Variants in RUNX2 observed in about 807,000 individuals in gnomAD.
RUNX2 encodes RUNX family transcription factor 2.
RUNX2 carries 10 observed loss-of-function variants against 51.7 expected under a neutral mutation model. The observed-to-expected ratio is 0.19, with a 90% CI of 0.12 to 0.33. The LOEUF (loss-of-function observed/expected upper bound fraction) is 0.33. Ranked by LOEUF, RUNX2 falls within the 10% of genes least tolerant of loss-of-function variation. The pLI, the probability that RUNX2 is intolerant of heterozygous loss-of-function variation, is 1.00. For synonymous variants in RUNX2, 276 were observed against 273.6 expected, an observed-to-expected ratio of 1.01 and a Z score of -0.09; for missense variants, 562 against 691.3, an observed-to-expected ratio of 0.81 and a Z score of 2.10.
chr6:45,409,854 C>T (rs928092146), intron 2 of RUNX2, among the ~76,000 whole-genome samples: 1 of 152,124 alleles, frequency 6.6e-6, no homozygotes, highest in Non-Finnish European at 1.5e-5. Context: ...AAGACTAATC[C>T]CTGTTCTCAA....
At chr6:45,445,347 T>G (rs932863130) in intron 5 of RUNX2, among the ~76,000 whole-genome samples, 3 of 152,128 alleles carry the variant, frequency 2.0e-5, no homozygotes, top group Non-Finnish European at 2.9e-5. Context: ...ATTTAGAGAT[T>G]GGTCACATGT....
chr6:45,488,035 A>G (rs1423977538), intron 5 of RUNX2, among the ~76,000 whole-genome samples: 3 of 152,058 alleles, frequency 2.0e-5, no homozygotes, highest in Non-Finnish European at 4.4e-5. Context: ...ATCAGGGGAG[A>G]GCACTTCAGG....
chr6:45,424,587 G>C (rs1241412914), intron 3 of RUNX2, among the ~76,000 whole-genome samples: 1 of 152,068 alleles, frequency 6.6e-6, no homozygotes, highest in East Asian at 1.9e-4. Flanking sequence ...TCTCCGCTGG[G>C]GACCCTGGGG....
chr6:45,546,661 G>C (rs898051477), intron 8 of RUNX2, among the ~76,000 whole-genome samples, 166 bp from the exon 9 acceptor site: 1 of 152,104 alleles, frequency 6.6e-6, no homozygotes, highest in African/African-American at 2.4e-5. Context: ...TGCAAAGTGG[G>C]GGAAAAAGAC....
chr6:45,431,279 C>T (rs145882491), intron 3 of RUNX2, among the ~76,000 whole-genome samples: 3 of 152,164 alleles, frequency 2.0e-5, no homozygotes, highest in Admixed American at 6.5e-5. Flanking sequence ...TGGGTCCCAC[C>T]GCAGTGTGGT....
At chr6:45,455,179 AGCTCGT>A (rs1799286543) in intron 5 of RUNX2, among the ~76,000 whole-genome samples, 1 of 152,374 alleles carries the variant, frequency 6.6e-6, no homozygotes, top group African/African-American at 2.4e-5. Context: ...GCTGTTGGAA[AGCTCGT>A]GGTTTAGAAA....
intron 2 of RUNX2, among the ~76,000 whole-genome samples, chr6:45,415,777 T>C (rs967575327): frequency 6.6e-6 from 1 of 151,914 alleles, no homozygotes; most frequent in Non-Finnish European, 1.5e-5. Flanking sequence ...GATTGCCAAC[T>C]GATAAAGAGA....
rs1798883555 is a variant in RUNX2, at chr6:45,442,982, A to G, written c.685+4931A>G. Among the ~76,000 whole-genome samples the G allele has an allele frequency of 2.0e-5, 3 of 147,246 alleles. No individual in the cohort carries two copies. In the South Asian group the frequency reaches 6.5e-4, roughly 32 times the overall value. On this transcript the variant is annotated intron_variant, in intron 5 of 8. Transcript: ENST00000647337. ...TTTCCCGCTGAGTCTGACTTCTCAC[A>G]TGGCGGCAGCTCAGGGCTCCCTAAG...
intron 2 of RUNX2, among the ~76,000 whole-genome samples, chr6:45,394,006 C>G (rs200126538): frequency 6.6e-6 from 1 of 150,784 alleles, no homozygotes; most frequent in East Asian, 2.0e-4. Flanking sequence ...TCCCGGGTCC[C>G]GGTTCAAGCA....
At position 45,328,447 on chromosome 6, in the gene RUNX2, G is replaced by T. The variant is rs770369522; in HGVS notation, c.-80G>T. 3 of 1,464,222 alleles carry T rather than the reference G, an allele frequency of 2.0e-6. No individual in the cohort carries two copies. The highest frequency in any genetic ancestry group is 2.8e-6 in the Non-Finnish European group (3 of 1,085,400). The allele number at this position is 1,464,222 out of a possible 1,614,324, so 90.7% of individuals were successfully genotyped here. On this transcript the variant is annotated 5_prime_UTR_variant, in exon 1 of 9. Coordinates refer to ENST00000647337, the MANE Select transcript of RUNX2 (RefSeq NM_001024630.4). ...TCCGCAGGTCACTACCAGCCACCGA[G>T]ACCAACAGAGTCAGTGAGTGCTCTC...
chr6:45,424,047 G>A (rs1798314006), intron 3 of RUNX2, among the ~76,000 whole-genome samples: 1 of 152,250 alleles, frequency 6.6e-6, no homozygotes, highest in Non-Finnish European at 1.5e-5. Context: ...CTTCTGAAAG[G>A]TGGTGAGAGG....
At chr6:45,362,975 T>C (rs1250267387) in intron 2 of RUNX2, among the ~76,000 whole-genome samples, 1 of 152,112 alleles carries the variant, frequency 6.6e-6, no homozygotes, top group Non-Finnish European at 1.5e-5. Flanking sequence ...TTTGGTTTTT[T>C]TAATATTTTA....
At chr6:45,423,597 C>T (rs924264275) in intron 3 of RUNX2, among the ~76,000 whole-genome samples, 1 of 150,560 alleles carries the variant, frequency 6.6e-6, no homozygotes, top group East Asian at 1.9e-4. Flanking sequence ...GGCATTAGTG[C>T]CCGGGGCTGG....
At chr6:45,371,449 A>G (rs1796065534) in intron 2 of RUNX2, among the ~76,000 whole-genome samples, 1 of 151,652 alleles carries the variant, frequency 6.6e-6, no homozygotes, top group Non-Finnish European at 1.5e-5. Flanking sequence ...CCCTCTACCA[A>G]TGAGGAAACT....
chr6:45,432,252 A>C (rs771650994), intron 4 of RUNX2, among the ~76,000 whole-genome samples: 41 of 152,212 alleles, frequency 2.7e-4, no homozygotes, highest in Non-Finnish European at 5.4e-4. Flanking sequence ...CTAGCTCCTA[A>C]TTTCACTGGG....
At chr6:45,535,189 C>T (rs185817074) in intron 7 of RUNX2, among the ~76,000 whole-genome samples, 191 of 152,028 alleles carry the variant, frequency 1.3e-3, no homozygotes, top group African/African-American at 4.4e-3. Flanking sequence ...AACAAACCTC[C>T]GAGTCACAAG....
chr6:45,459,555 G>T (rs758313913), intron 5 of RUNX2, among the ~76,000 whole-genome samples: 2 of 152,086 alleles, frequency 1.3e-5, no homozygotes, highest in Admixed American at 6.5e-5. Context: ...TATTCAATTC[G>T]GCTATCACAT....
Position 45,407,922 on chromosome 6 carries a change from C to T in RUNX2, c.59-14671C>T, listed in dbSNP as rs567961313. ...AAATTGCAAGTAAGTAGTTAAGCAT[C>T]CTAAGTCCATGAGTTTATAACTGTT... On this transcript the variant is annotated intron_variant, in intron 2 of 8. Transcript: ENST00000647337. Among the ~76,000 whole-genome samples, 4 of 152,082 alleles carry T rather than the reference C, an allele frequency of 2.6e-5. No individual in the cohort carries two copies. In the South Asian group the frequency reaches 8.3e-4, roughly 32 times the overall value.
intron 7 of RUNX2, 139 bp from the exon 8 acceptor site, chr6:45,545,077 TG>T (rs1802356071): frequency 1.4e-6 from 1 of 736,432 alleles, no homozygotes; most frequent in African/African-American, 1.7e-5. Context: ...CTGCAGACTC[TG>T]GGAAATACTA....
Sources: allele counts gnomAD v4.1 joint callset (sites outside exome capture counted in the v4.1 genomes callset), GRCh38; gene constraint gnomAD v4.1.1; transcripts MANE v1.5; gene names NCBI Gene and HGNC (gene_info 2026-07-23, HGNC 2026-07-21).